Variants in PDK3 observed in about 807,000 individuals in gnomAD.
PDK3 encodes the protein pyruvate dehydrogenase kinase, isozyme 3.
A neutral mutation model predicts 32.0 loss-of-function variants in PDK3; 12 were observed. That is an observed-to-expected ratio of 0.37 (90% CI 0.24 to 0.61). The LOEUF is 0.61. Ranked by LOEUF, PDK3 falls within the 20% of genes least tolerant of loss-of-function variation. The pLI is 0.65. For synonymous variants in PDK3, 122 were observed against 116.3 expected (o/e 1.05, Z -0.31); for missense variants, 188 against 316.9 (o/e 0.59, Z 3.09).
chrX:24,544,845 G>A lies in PDK3; in HGVS notation c.*5681G>A, dbSNP rs143900843. 3.8e-3 allele frequency among the ~76,000 whole-genome samples: 427 copies of A among 112,138 alleles called. 5 individuals carry two copies. The highest frequency in any genetic ancestry group is 0.013 in the African/African-American group (404 of 30,876). On this transcript the variant is annotated 3_prime_UTR_variant, in exon 12 of 12. Transcript: ENST00000568479. ...CTGCCATCTTTTCAGCAGTCCAGAT[G>A]CTTAAACATTGACTTTGAAGCTAAT...
intron 5 of PDK3, among the ~76,000 whole-genome samples, chrX:24,506,655 A>G (rs1921984838): frequency 9.0e-6 from 1 of 111,149 alleles, no homozygotes; most frequent in South Asian, 3.8e-4. Context: ...TTGAGAATAT[A>G]CTTTTAAAAA....
At chrX:24,509,174 T>C (rs760898715) in intron 5 of PDK3, among the ~76,000 whole-genome samples, 1 of 112,136 alleles carries the variant, frequency 8.9e-6, no homozygotes, top group Non-Finnish European at 1.9e-5. Flanking sequence ...GAAAAAACCC[T>C]GGAAGTTTAT....
At position 24,540,889 on chromosome X, in the gene PDK3, C is replaced by CTTTTTTT. The variant is rs369307335; in HGVS notation, c.*1757_*1763dup. On this transcript the variant is annotated 3_prime_UTR_variant, in exon 12 of 12. Coordinates refer to the PDK3 transcript ENST00000568479. ...CTTTACATGCAAAGACCCTAGCTTCCTTTTTTTTTTTTTTTTTTTTTTTTT... is the reference window on the plus strand; with the variant it reads ...CTTTACATGCAAAGACCCTAGCTTCCTTTTTTTTTTTTTTTTTTTTTTTTTTTTTTTT... 4.4e-4 allele frequency among the ~76,000 whole-genome samples: 16 copies of CTTTTTTT among 36,680 alleles called. 5 individuals are homozygous for CTTTTTTT. Among genetic ancestry groups the CTTTTTTT allele is most frequent in the East Asian group, 2.3e-3 (2 of 868 alleles). The allele number at this position is 36,680 out of a possible 115,157, so 31.9% of individuals were successfully genotyped here. A position where few individuals can be genotyped will look rare whatever the true frequency, so the allele number is the denominator to read the frequency against.
chrX:24,537,542 A>G (rs1473768701), downstream of PDK3, among the ~76,000 whole-genome samples: 1 of 110,586 alleles, frequency 9.0e-6, no homozygotes, highest in East Asian at 2.8e-4. Context: ...ATATAGCTAT[A>G]TTTAAAATAT....
chrX:24,483,504 A>C lies in PDK3; in HGVS notation c.107-11238A>C, dbSNP rs758491427. The stretch of plus-strand genomic sequence containing the variant: ...ACACACCATATTGACTGTTACTGCC[A>C]CTGTATTGTCTTCCTACCTGCCTTT... On this transcript the variant is annotated intron_variant, in intron 1 of 10. Coordinates refer to ENST00000379162, the MANE Select transcript of PDK3 (RefSeq NM_005391.5). Among the ~76,000 whole-genome samples, 16 of 111,841 alleles carry C rather than the reference A, an allele frequency of 1.4e-4. No individual in the cohort carries two copies. In the South Asian group the frequency reaches 1.9e-3, roughly 13 times the overall value.
At chrX:24,542,314 A>G (rs1186986795) in exon 12 of PDK3, among the ~76,000 whole-genome samples, 1 of 112,432 alleles carries the variant, frequency 8.9e-6, no homozygotes, top group Non-Finnish European at 1.9e-5. Context: ...CCTTGTGTAT[A>G]GATTCCAAAG....
At chrX:24,539,878 A>G (rs1468225494) in exon 12 of PDK3, 5 of 112,415 alleles carry the variant, frequency 4.4e-5, no homozygotes, top group Non-Finnish European at 9.4e-5. Context: ...CTTAAGTGAA[A>G]AACTGCCTCC....
At chrX:24,480,341 T>C (rs1921222309) in intron 1 of PDK3, among the ~76,000 whole-genome samples, 1 of 112,159 alleles carries the variant, frequency 8.9e-6, no homozygotes, top group Non-Finnish European at 1.9e-5. Context: ...TTGGGGATGC[T>C]TAATAGCCAT....
rs977047263 is a variant in PDK3, at chrX:24,486,003, A to G, written c.107-8739A>G. ...AATATAATTTAGCAATAAATCATCT[A>G]CAACCCCCCATTAACATCCCAGAGA... On this transcript the variant is annotated intron_variant, in intron 1 of 10. Coordinates refer to ENST00000379162, the MANE Select transcript of PDK3 (RefSeq NM_005391.5). 2.7e-5 allele frequency among the ~76,000 whole-genome samples: 3 copies of G among 112,289 alleles called. No individual in the cohort carries two copies. The Admixed American group carries it at 2.8e-4, about 11-fold the overall frequency.
At chrX:24,495,360 A>G (rs984599851) in intron 2 of PDK3, among the ~76,000 whole-genome samples, 3 of 112,535 alleles carry the variant, frequency 2.7e-5, no homozygotes, top group African/African-American at 9.7e-5. Flanking sequence ...ATAAACTTAA[A>G]TCAGTTATAG....
intron 1 of PDK3, among the ~76,000 whole-genome samples, chrX:24,478,223 T>C (rs771294404): frequency 3.6e-5 from 4 of 110,942 alleles, no homozygotes; most frequent in African/African-American, 1.3e-4. Context: ...GGTGGGTGAA[T>C]CACTTGAGGT....
intron 10 of PDK3, among the ~76,000 whole-genome samples, chrX:24,533,298 G>A (rs377573172): frequency 9.2e-6 from 1 of 108,453 alleles, no homozygotes; most frequent in Non-Finnish European, 1.9e-5. Flanking sequence ...CACCACACCC[G>A]GCTAATTTTT....
chrX:24,542,593 G>A (rs1206190976), exon 12 of PDK3, among the ~76,000 whole-genome samples: 3 of 112,592 alleles, frequency 2.7e-5, no homozygotes, highest in African/African-American at 6.4e-5. Flanking sequence ...AGTTAATTCC[G>A]TTCAGGAGAG....
chrX:24,492,259 T>C (rs371209747), intron 1 of PDK3, among the ~76,000 whole-genome samples: 36 of 112,132 alleles, frequency 3.2e-4, no homozygotes, highest in African/African-American at 1.0e-3. Flanking sequence ...GGTTACATCC[T>C]GATGAATCCA....
intron 1 of PDK3, among the ~76,000 whole-genome samples, chrX:24,491,610 A>C (rs1921563369): frequency 9.0e-6 from 1 of 110,947 alleles, no homozygotes; most frequent in Non-Finnish European, 1.9e-5. Flanking sequence ...ATTTTTGCTG[A>C]GACTGGACTA....
At chrX:24,493,598 T>C (rs1201992676) in intron 1 of PDK3, among the ~76,000 whole-genome samples, 2 of 111,573 alleles carry the variant, frequency 1.8e-5, no homozygotes, top group Non-Finnish European at 3.8e-5. Context: ...CAAAGAGGCC[T>C]AGGCAGGGCG....
chrX:24,498,745 T>C, intron 2 of PDK3, 84 bp from the exon 3 acceptor site: 3 of 522,152 alleles, frequency 5.7e-6, no homozygotes, highest in African/African-American at 4.8e-5. Context: ...TGGAGTGTTC[T>C]TAGGAAGAGG....
chrX:24,489,992 A>G (rs1921511931), intron 1 of PDK3, among the ~76,000 whole-genome samples: 1 of 111,646 alleles, frequency 9.0e-6, no homozygotes, highest in South Asian at 3.7e-4. Context: ...ATGGGTTCTC[A>G]GGGCTGACCA....
intron 1 of PDK3, 55 bp downstream of exon 1, chrX:24,465,616 C>A (rs1870270917): frequency 1.5e-5 from 13 of 892,305 alleles, no homozygotes; most frequent in Non-Finnish European, 1.8e-5. Flanking sequence ...ATTCGGGCTG[C>A]CACCCCGGAT....
Sources: allele counts gnomAD v4.1 joint callset (sites outside exome capture counted in the v4.1 genomes callset), GRCh38; gene constraint gnomAD v4.1.1; transcripts MANE v1.5; gene names NCBI Gene and HGNC (gene_info 2026-07-23, HGNC 2026-07-21).